Variants in PADI2 observed in about 807,000 individuals in gnomAD.
PADI2 encodes peptidyl arginine deiminase 2.
In PADI2, 70 loss-of-function variants were observed where a neutral mutation model predicts 81.1. The observed-to-expected ratio is 0.86, with a 90% confidence interval of 0.71 to 1.05. The LOEUF (loss-of-function observed/expected upper bound fraction) is 1.05, where lower values mean the gene tolerates loss of function less well. Ranked by LOEUF, PADI2 falls within the 50% of genes least tolerant of loss-of-function variation. The pLI, the probability that PADI2 is intolerant of heterozygous loss-of-function variation, is 0.00. For synonymous variants in PADI2, 338 were observed against 358.0 expected (o/e 0.94, Z 0.63); for missense variants, 853 against 889.9 (o/e 0.96, Z 0.53).
rs1332266025 is a variant in PADI2, at chr1:17,068,096, T to TTCA, written c.*947_*948insTGA. 1 of 152,718 alleles carries TTCA rather than the reference T, an allele frequency of 6.5e-6. No homozygotes were observed. Among genetic ancestry groups the TTCA allele is most frequent in the African/African-American group, 2.4e-5 (1 of 41,452 alleles). 9.5% of individuals were successfully genotyped at this position (152,718 alleles called of 1,614,324 possible). ...GAGAGGAGGGGCTGGTCACTTATTATGCCCCTGGGAAGGCCTGAATCTGGC... is the reference window on the plus strand; with the variant it reads ...GAGAGGAGGGGCTGGTCACTTATTATTCAGCCCCTGGGAAGGCCTGAATCTGGC... On this transcript the variant is annotated 3_prime_UTR_variant, in exon 16 of 16. Coordinates refer to ENST00000375486, the MANE Select transcript of PADI2 (RefSeq NM_007365.3).
At chr1:17,114,494 C>T (rs149476008) in intron 1 of PADI2, among the ~76,000 whole-genome samples, 1 of 152,208 alleles carries the variant, frequency 6.6e-6, no homozygotes, top group African/African-American at 2.4e-5. Context: ...GAAAAGGGGA[C>T]AATAATTGTA....
chr1:17,103,320 A>C (rs1277298267), intron 2 of PADI2, among the ~76,000 whole-genome samples: 2 of 152,194 alleles, frequency 1.3e-5, no homozygotes, highest in African/African-American at 4.8e-5. Context: ...CACTGTGTGC[A>C]TTCTGCTGCC....
intron 2 of PADI2, 32 bp downstream of exon 2, chr1:17,104,846 G>C: frequency 1.3e-6 from 2 of 1,530,172 alleles, no homozygotes; most frequent in Non-Finnish European, 1.8e-6. Flanking sequence ...ATGGTCCCGG[G>C]CCCGCAGAGG....
chr1:17,111,881 G>A (rs921032159), intron 1 of PADI2, among the ~76,000 whole-genome samples: 1 of 152,198 alleles, frequency 6.6e-6, no homozygotes, highest in African/African-American at 2.4e-5. Flanking sequence ...AGTCCTGCAT[G>A]TTCGAGAAGC....
At chr1:17,117,669 G>T (rs1392963893) in intron 1 of PADI2, among the ~76,000 whole-genome samples, 1 of 152,206 alleles carries the variant, frequency 6.6e-6, no homozygotes, top group Non-Finnish European at 1.5e-5. Flanking sequence ...CGATAGCAGG[G>T]CGCCTGAGCA....
At chr1:17,095,847 T>C (rs1486530620) in intron 4 of PADI2, 62 bp downstream of exon 4, 8 of 1,335,174 alleles carry the variant, frequency 6.0e-6, no homozygotes, top group Non-Finnish European at 8.5e-6. Flanking sequence ...GCCTGCGGGA[T>C]CTGGGGCTGT....
chr1:17,099,930 C>A (rs1489700654), intron 3 of PADI2, among the ~76,000 whole-genome samples: 3 of 152,146 alleles, frequency 2.0e-5, no homozygotes, highest in Non-Finnish European at 4.4e-5. Context: ...TTCTGTCTAC[C>A]CAGAAGCCAA....
At chr1:17,114,049 T>A (rs1264707552) in intron 1 of PADI2, among the ~76,000 whole-genome samples, 4 of 152,240 alleles carry the variant, frequency 2.6e-5, no homozygotes, top group African/African-American at 9.6e-5. Context: ...TGGCAAGGCA[T>A]CCCGTTTGGG....
At position 17,079,347 on chromosome 1, in the gene PADI2, TC is replaced by T; in HGVS notation, c.1226del (p.Gly409GlufsTer9). On this transcript the variant is annotated frameshift_variant, in exon 11 of 16. Coordinates refer to ENST00000375486, the MANE Select transcript of PADI2 (RefSeq NM_007365.3). LOFTEE classifies it high-confidence loss of function. ...FESVTSLDSF[G>X]NLEVSPPVTV... ...TCACTGGGGGACTGACCTCCAGGTT[TC>T]CAAATGAGTCAAGGCTGGTGACAGA... 1 of 1,614,054 alleles carries T rather than the reference TC, an allele frequency of 6.2e-7. No homozygotes were observed. The highest frequency in any genetic ancestry group is 8.5e-7 in the Non-Finnish European group (1 of 1,179,966).
At chr1:17,099,205 A>T (rs1170460114) in intron 3 of PADI2, among the ~76,000 whole-genome samples, 1 of 152,070 alleles carries the variant, frequency 6.6e-6, no homozygotes, top group African/African-American at 2.4e-5. Context: ...TTGCCTTACT[A>T]AGCAGCTTGA....
rs1931735916 is a variant in PADI2, at chr1:17,115,772, T to C, written c.92+3508A>G. ...AGATTGTGTGGGCCAGGTGTACCTGTGCCAAGACTAAGATGAGTATATTTG... is the reference window on the plus strand; with the variant it reads ...AGATTGTGTGGGCCAGGTGTACCTGCGCCAAGACTAAGATGAGTATATTTG... On this transcript the variant is annotated intron_variant, in intron 1 of 15. Transcript: ENST00000375486. The surrounding 1 kb of genome is among the most constrained non-coding windows in gnomAD (Gnocchi z 4.1). 6.6e-6 allele frequency among the ~76,000 whole-genome samples: 1 copy of C among 152,216 alleles called. No individual in the cohort carries two copies. Among genetic ancestry groups the C allele is most frequent in the African/African-American group, 2.4e-5 (1 of 41,462 alleles).
chr1:17,075,159 C>T (rs985010738), intron 12 of PADI2: 1 of 488,894 alleles, frequency 2.0e-6, no homozygotes, highest in East Asian at 3.5e-5. Flanking sequence ...CAGATCAAGG[C>T]TCAGAGTCAA....
At chr1:17,075,961 G>C (rs1395891536) in intron 11 of PADI2, 138 bp from the exon 12 acceptor site, 13 of 770,450 alleles carry the variant, frequency 1.7e-5, no homozygotes, top group Non-Finnish European at 2.4e-5. Flanking sequence ...ACTAGGTTGG[G>C]TTAAGAGACC....
intron 7 of PADI2, among the ~76,000 whole-genome samples, chr1:17,086,146 C>A (rs79758164): frequency 2.6e-5 from 4 of 152,158 alleles, no homozygotes; most frequent in Non-Finnish European, 1.5e-5. Flanking sequence ...AAGTACAGAG[C>A]GCGCAGTAGG....
At chr1:17,104,664 A>C (rs1931292218) in intron 2 of PADI2, among the ~76,000 whole-genome samples, 2 of 151,588 alleles carry the variant, frequency 1.3e-5, no homozygotes, top group African/African-American at 2.4e-5. Flanking sequence ...CGATCTCCTG[A>C]CCTTGTGATC....
Position 17,069,164 on chromosome 1 carries a change from G to GC in PADI2, c.1877dup (p.Leu627ProfsTer112), listed in dbSNP as rs762865566. On this transcript the variant is annotated frameshift_variant, in exon 16 of 16. Transcript: ENST00000375486. LOFTEE classifies it high-confidence loss of function. ...TGTCGTCGATGAAGGTGCATTCGAGGCCCAGGGGCTCCAGGAGGCCACGCA... is the reference window on the plus strand; with the variant it reads ...TGTCGTCGATGAAGGTGCATTCGAGGCCCCAGGGGCTCCAGGAGGCCACGCA... The GC allele has an allele frequency of 7.4e-6, 12 of 1,614,062 alleles. No homozygotes were observed. Among genetic ancestry groups the GC allele is most frequent in the Middle Eastern group, 1.6e-4 (1 of 6,084 alleles).
intron 5 of PADI2, 100 bp from the exon 6 acceptor site, chr1:17,092,633 T>C (rs1930743785): frequency 1.8e-6 from 2 of 1,107,328 alleles, no homozygotes; most frequent in Admixed American, 2.5e-5. Context: ...TCCCCATGGA[T>C]GTGTATTATG....
intron 15 of PADI2, among the ~76,000 whole-genome samples, chr1:17,069,548 C>T (rs907680691): frequency 6.6e-6 from 1 of 152,178 alleles, no homozygotes; most frequent in Non-Finnish European, 1.5e-5. Flanking sequence ...TCAGTGTGTA[C>T]ATGTACATGT....
chr1:17,085,937 A>G (rs938807835), intron 7 of PADI2, among the ~76,000 whole-genome samples: 4 of 152,238 alleles, frequency 2.6e-5, no homozygotes, highest in Non-Finnish European at 4.4e-5. Context: ...TTGTGAGCAC[A>G]GCACGCCCTC....
Sources: allele counts gnomAD v4.1 joint callset (sites outside exome capture counted in the v4.1 genomes callset), GRCh38; gene constraint gnomAD v4.1.1; non-coding constraint Gnocchi (gnomAD v3.1); transcripts MANE v1.5; gene names NCBI Gene and HGNC (gene_info 2026-07-23, HGNC 2026-07-21).